The following ADAM19 variants were observed in gnomAD, a reference collection of about 807,000 sequenced individuals.
ADAM19 encodes the protein disintegrin and metalloproteinase domain-containing protein 19.
Under a neutral mutation model 114.7 loss-of-function variants are expected in ADAM19, and 65 were observed. That is an observed-to-expected ratio of 0.57 (90% CI 0.46 to 0.70). The LOEUF is 0.70. Among genes scored for constraint, ADAM19 ranks in the 30% least tolerant of loss-of-function variants. The pLI is 0.00. For missense variants in ADAM19, 1,063 were observed against 1,204.7 expected (o/e 0.88, Z 1.74); for synonymous variants, 466 against 460.5 (o/e 1.01, Z -0.15).
chr5:157,513,804 C>A (rs534771452), intron 7 of ADAM19, among the ~76,000 whole-genome samples: 3 of 152,194 alleles, frequency 2.0e-5, no homozygotes, highest in South Asian at 4.1e-4. Context: ...TCCTGTCCTT[C>A]GAATTACATG....
At chr5:157,522,718 G>C (rs980321434) in intron 5 of ADAM19, among the ~76,000 whole-genome samples, 2 of 152,060 alleles carry the variant, frequency 1.3e-5, no homozygotes, top group Admixed American at 1.3e-4. Context: ...CCTGGGAGGC[G>C]GAGGTTGCAG....
At position 157,575,595 on chromosome 5, in the gene ADAM19, C is replaced by A. The variant is rs945218932; in HGVS notation, c.94+8G>T. On this transcript the variant is annotated splice_region_variant and intron_variant, in intron 1 of 22. Transcript: ENST00000257527. ...CCAGCCTCCATCCCCCCGCGCCTGGCCACTTACTTGTCCATCCAGGCTCCC... is the reference window on the plus strand; with the variant it reads ...CCAGCCTCCATCCCCCCGCGCCTGGACACTTACTTGTCCATCCAGGCTCCC... 22 of 1,463,856 alleles carry A rather than the reference C, an allele frequency of 1.5e-5. No homozygotes were observed. In the African/African-American group the frequency reaches 3.1e-4, roughly 21 times the overall value. 90.7% of individuals were successfully genotyped at this position (1,463,856 alleles called of 1,614,324 possible). A position where few individuals can be genotyped will look rare whatever the true frequency, so the allele number is the denominator to read the frequency against.
In ADAM19 at chr5:157,480,483, G is replaced by C. The variant is rs1030991588; in HGVS notation, c.*466C>G. On this transcript the variant is annotated 3_prime_UTR_variant, in exon 23 of 23. Transcript: ENST00000257527. ...TTCCTTAATCCCTAAAAGCTAAAAG[G>C]GGTGGGTAAGTACCAGCCTCCATCC... 5 of 992,144 alleles carry C rather than the reference G, an allele frequency of 5.0e-6. No homozygotes were observed. The highest frequency in any genetic ancestry group is 5.8e-5 in the Admixed American group (1 of 17,148). The allele number at this position is 992,144 out of a possible 1,614,324, so 61.5% of individuals were successfully genotyped here.
rs145736077 is a variant in ADAM19, at chr5:157,562,004, G to C, written c.251+2369C>G. Among the ~76,000 whole-genome samples the C allele has an allele frequency of 2.4e-3, 370 of 151,946 alleles. 1 individual carries two copies. The highest frequency in any genetic ancestry group is 8.2e-3 in the African/African-American group (341 of 41,434). On this transcript the variant is annotated intron_variant, in intron 3 of 22. Transcript: ENST00000257527. ...GAGAAATGGCTTGGCCCAGGGCCTA[G>C]TTTCCCCCAAATGTCATGAGATTAT...
intron 4 of ADAM19, among the ~76,000 whole-genome samples, chr5:157,532,327 A>G (rs1756648530): frequency 6.6e-6 from 1 of 152,222 alleles, no homozygotes; most frequent in Non-Finnish European, 1.5e-5. Context: ...ATCCAAACAG[A>G]TATAATTACA....
chr5:157,477,835 G>A lies in ADAM19; in HGVS notation c.*3114C>T. 1.3e-6 allele frequency: 1 copy of A among 761,050 alleles called. No homozygotes were observed. The highest frequency in any genetic ancestry group is 2.0e-6 in the Non-Finnish European group (1 of 511,720). 47.1% of individuals were successfully genotyped at this position (761,050 alleles called of 1,614,324 possible). ...GGTGGGGAGGGGCTATTGCTTCAGGGGGAAGGGACTATGGCAATACAAAAA... is the reference window on the plus strand; with the variant it reads ...GGTGGGGAGGGGCTATTGCTTCAGGAGGAAGGGACTATGGCAATACAAAAA... On this transcript the variant is annotated 3_prime_UTR_variant, in exon 23 of 23. Coordinates refer to ENST00000257527, the MANE Select transcript of ADAM19 (RefSeq NM_033274.5).
chr5:157,489,029 C>CAAAAAGAA (rs10674185), intron 20 of ADAM19, 73 bp downstream of exon 20: 549,034 of 1,227,138 alleles, frequency 0.45, 128,218 homozygotes, highest in East Asian at 0.7. Flanking sequence ...GACTCCATCT[C>CAAAAAGAA]AAAAAGAAAA....
At chr5:157,517,372 C>T (rs780014885) in intron 7 of ADAM19, among the ~76,000 whole-genome samples, 4 of 152,198 alleles carry the variant, frequency 2.6e-5, no homozygotes, top group East Asian at 3.8e-4. Flanking sequence ...TCGAACACAG[C>T]GAGCGCTCAG....
At chr5:157,553,198 A>G (rs1581349787) in intron 3 of ADAM19, among the ~76,000 whole-genome samples, 1 of 152,240 alleles carries the variant, frequency 6.6e-6, no homozygotes, top group Admixed American at 6.5e-5. Flanking sequence ...ACTGTTTGCA[A>G]TGCAACGGAT....
At position 157,481,859 on chromosome 5, in the gene ADAM19, C is replaced by T; in HGVS notation, c.2635G>A (p.Ala879Thr). 6.3e-7 allele frequency: 1 copy of T among 1,592,934 alleles called. No homozygotes were observed. Among genetic ancestry groups the T allele is most frequent in the Non-Finnish European group, 8.6e-7 (1 of 1,169,364 alleles). ...GCACCAGGGGGCCGCAGTGGGGATG[C>T]ACCTCCTGGCCTGGGGAGGCTCCTG... ...GRRSLPRPGGASPLRPPGAGP... is the reference protein window; with the variant it reads ...GRRSLPRPGGTSPLRPPGAGP... The change falls in exon 22 of 23, where the codon GCA becomes ACA. Residue 879 changes from alanine to threonine, a missense_variant. Coordinates refer to ENST00000257527, the MANE Select transcript of ADAM19 (RefSeq NM_033274.5).
Position 157,507,155 on chromosome 5 carries a change from G to A in ADAM19, c.906-15C>T, listed in dbSNP as rs952218839. The A allele has an allele frequency of 6.2e-7, 1 of 1,613,058 alleles. No homozygotes were observed. The highest frequency in any genetic ancestry group is 1.1e-5 in the South Asian group (1 of 91,046). ...AGGACATGCCCCTGCAGGAGGCAAG[G>A]AGAGACGGTGACCGGGGACGAGACT... is the stretch of plus-strand genomic sequence containing the variant. On this transcript the variant is annotated splice_polypyrimidine_tract_variant and intron_variant, in intron 9 of 22. Coordinates refer to ENST00000257527, the MANE Select transcript of ADAM19 (RefSeq NM_033274.5).
In ADAM19 at chr5:157,575,672, G is replaced by A; in HGVS notation, c.25C>T (p.Arg9Trp). Residue 9 changes from arginine (R) to tryptophan (W), a missense_variant, in exon 1 of 23, where the codon CGG becomes TGG. Arg to Trp is a moderately radical substitution (Grantham distance 101, BLOSUM62 -3). Transcript: ENST00000257527. MPGGAGAA[R>W]LCLLAFALQP... ...AGGGCAAACGCCAGCAAGCAGAGCC[G>A]GGCGGCGCCTGCGCCCCCTGGCATG... 7.4e-7 allele frequency: 1 copy of A among 1,358,990 alleles called. No homozygotes were observed. Among genetic ancestry groups the A allele is most frequent in the Non-Finnish European group, 9.4e-7 (1 of 1,063,810 alleles). 84.2% of individuals were successfully genotyped at this position (1,358,990 alleles called of 1,614,324 possible). A position where few individuals can be genotyped will look rare whatever the true frequency, so the allele number is the denominator to read the frequency against.
rs575395010 is a variant in ADAM19, at chr5:157,478,876, C to G, written c.*2073G>C. ...GCTCATGCAGTCACTATGGCTGTGG[C>G]GCTGTCATTTCAGAGCTATCTACCT... On this transcript the variant is annotated 3_prime_UTR_variant, in exon 23 of 23. Transcript: ENST00000257527. 5.1e-6 allele frequency: 5 copies of G among 985,692 alleles called. No homozygotes were observed. In the African/African-American group the frequency reaches 7.0e-5, roughly 14 times the overall value. 61.1% of individuals were successfully genotyped at this position (985,692 alleles called of 1,614,324 possible).
intron 5 of ADAM19, among the ~76,000 whole-genome samples, chr5:157,525,217 C>T (rs555980330): frequency 1.2e-4 from 19 of 152,302 alleles, no homozygotes; most frequent in African/African-American, 3.8e-4. Context: ...CTGTGCAATG[C>T]CTGACACGGA....
rs776428337 is a variant in ADAM19, at chr5:157,518,905, G to T, written c.601-17C>A. 3.1e-6 allele frequency: 5 copies of T among 1,609,828 alleles called. No homozygotes were observed. In the South Asian group the frequency reaches 5.5e-5, roughly 18 times the overall value. ...CCTTTTCATCTAAGAAAGAGAAACA[G>T]ATCAGCGCTGTAGAAATAGTGGACT... On this transcript the variant is annotated splice_polypyrimidine_tract_variant and intron_variant, in intron 6 of 22. Transcript: ENST00000257527.
In ADAM19 at chr5:157,479,330, G is replaced by A. The variant is rs891302774; in HGVS notation, c.*1619C>T. The A allele has an allele frequency of 7.1e-6, 7 of 985,886 alleles. No homozygotes were observed. Among genetic ancestry groups the A allele is most frequent in the Non-Finnish European group, 8.4e-6 (7 of 830,060 alleles). 61.1% of individuals were successfully genotyped at this position (985,886 alleles called of 1,614,324 possible). A position where few individuals can be genotyped will look rare whatever the true frequency, so the allele number is the denominator to read the frequency against. On this transcript the variant is annotated 3_prime_UTR_variant, in exon 23 of 23. Transcript: ENST00000257527. ...AGAACTATAAGGAGGCCCTGGGGTG[G>A]TGAATCAGAAGCTCAGCCTCAGCCT...
chr5:157,537,458 CA>C (rs1396579269), intron 4 of ADAM19, among the ~76,000 whole-genome samples: 1 of 152,154 alleles, frequency 6.6e-6, no homozygotes, highest in Non-Finnish European at 1.5e-5. Context: ...ACTTAAAAAT[CA>C]CATTAAAATA....
Position 157,490,335 on chromosome 5 carries a change from G to A in ADAM19, c.2215C>T (p.Pro739Ser). ...KLGQLKPSALPSKLRQQFSCP... is the reference protein window; with the variant it reads ...KLGQLKPSALSSKLRQQFSCP... Reference sequence around the variant, plus strand: ...CTGAACTGTTGCCTCAGCTTGGAAGGGAGAGCTGAGGGCTTGAGTTGGCCT... The same window carrying A: ...CTGAACTGTTGCCTCAGCTTGGAAGAGAGAGCTGAGGGCTTGAGTTGGCCT... Residue 739 changes from proline to serine, a missense_variant, in exon 19 of 23, where the codon CCT becomes TCT. Pro to Ser is a moderately conservative substitution (Grantham distance 74). Around this residue, in one of 3 missense-constraint regions of ADAM19, gnomAD observed 424 missense variants for 445.5 expected, o/e 0.95. Coordinates refer to ENST00000257527, the MANE Select transcript of ADAM19 (RefSeq NM_033274.5). 6.2e-7 allele frequency: 1 copy of A among 1,614,060 alleles called. No individual in the cohort carries two copies. Among genetic ancestry groups the A allele is most frequent in the Non-Finnish European group, 8.5e-7 (1 of 1,180,014 alleles).
intron 11 of ADAM19, among the ~76,000 whole-genome samples, chr5:157,505,460 C>G (rs112917317): frequency 2.6e-5 from 4 of 152,356 alleles, no homozygotes; most frequent in African/African-American, 9.6e-5. Context: ...TAGGGTTACA[C>G]CAGCACCAAA....
Sources: allele counts gnomAD v4.1 joint callset (sites outside exome capture counted in the v4.1 genomes callset), GRCh38; gene constraint gnomAD v4.1.1; regional missense constraint gnomAD v4.1.1; transcripts MANE v1.5; gene names NCBI Gene and HGNC (gene_info 2026-07-23, HGNC 2026-07-21).